VAX1: variants seen among roughly 807,000 people sequenced by gnomAD.
VAX1 encodes ventral anterior homeobox 1.
A neutral mutation model predicts 17.6 loss-of-function variants in VAX1; 6 were observed. That is an observed-to-expected ratio of 0.34 (90% CI 0.19 to 0.67). The LOEUF (loss-of-function observed/expected upper bound fraction) is 0.67. Among genes scored for constraint, VAX1 ranks in the 30% least tolerant of loss-of-function variants. VAX1 has a pLI of 0.69. For synonymous variants in VAX1, 256 were observed against 227.4 expected, an observed-to-expected ratio of 1.13 and a Z score of -1.13; for missense variants, 408 against 463.7, an observed-to-expected ratio of 0.88 and a Z score of 1.10.
At chr10:117,131,849 CTT>C (rs1251166660), downstream of VAX1, 2 of 228,612 alleles carry the variant, frequency 8.7e-6, no homozygotes, top group Admixed American at 5.5e-5. Flanking sequence ...GATGGCGAGA[CTT>C]ATATTCTAAG....
rs988458878 is a variant in VAX1 at position 117,137,229 on chromosome 10, C to T, written c.242-570G>A. On this transcript the variant is annotated intron_variant, in intron 1 of 2. Transcript: ENST00000369206. This position sits in a 1 kb window ranked among gnomAD's most constrained non-coding sequence, Gnocchi z 7.4. Reference sequence around the variant, plus strand: ...TCCGCCGCCGGGGCTAAGTGCACGCCGCGCCATCCGAGAGCGGCAGAGCAG... The same window carrying T: ...TCCGCCGCCGGGGCTAAGTGCACGCTGCGCCATCCGAGAGCGGCAGAGCAG... Among the ~76,000 whole-genome samples the T allele has an allele frequency of 6.6e-6, 1 of 152,098 alleles. No individual in the cohort carries two copies. The highest frequency in any genetic ancestry group is 1.5e-5 in the Non-Finnish European group (1 of 68,010).
In VAX1 at chr10:117,138,102, A is replaced by C; in HGVS notation, c.-46T>G. 1 of 260,134 alleles carries C rather than the reference A, an allele frequency of 3.8e-6. No individual in the cohort carries two copies. Among genetic ancestry groups the C allele is most frequent in the Non-Finnish European group, 6.7e-6 (1 of 149,878 alleles). 16.1% of individuals were successfully genotyped at this position (260,134 alleles called of 1,614,324 possible). A position where few individuals can be genotyped will look rare whatever the true frequency, so the allele number is the denominator to read the frequency against. ...ACAGAAAGGAAAAAAAAAGCAAAAAAAAAAAAAAGGGGGGGGGGCGGAGAA... is the reference window on the plus strand; with the variant it reads ...ACAGAAAGGAAAAAAAAAGCAAAAACAAAAAAAAGGGGGGGGGGCGGAGAA... On this transcript the variant is annotated 5_prime_UTR_variant, in exon 1 of 3. Transcript: ENST00000369206.
chr10:117,138,060 C>G lies in VAX1; in HGVS notation c.-4G>C. The stretch of plus-strand genomic sequence containing the variant: ...TTTTGTCTGGTTTCCCGAACATAGG[C>G]AAGAACAACAACAAAAACAGAAAGG... On this transcript the variant is annotated 5_prime_UTR_variant, in exon 1 of 3. Transcript: ENST00000369206. 6.8e-7 allele frequency: 1 copy of G among 1,468,224 alleles called. No individual in the cohort carries two copies. Among genetic ancestry groups the G allele is most frequent in the East Asian group, 3.0e-5 (1 of 33,068 alleles). 90.9% of individuals were successfully genotyped at this position (1,468,224 alleles called of 1,614,324 possible).
downstream of VAX1, chr10:117,132,599 A>T: frequency 3.5e-6 from 4 of 1,149,120 alleles, no homozygotes; most frequent in Non-Finnish European, 4.9e-6. This position sits in a 1 kb window ranked among gnomAD's most constrained non-coding sequence, Gnocchi z 4.9. Context: ...CATTCTAGAC[A>T]CTGCGGCACC....
In VAX1 at chr10:117,136,695, C is replaced by T. The variant is rs750864582; in HGVS notation, c.242-36G>A. On this transcript the variant is annotated intron_variant, in intron 1 of 2. Transcript: ENST00000369206. The surrounding 1 kb of genome is among the most constrained non-coding windows in gnomAD (Gnocchi z 5.0). ...GGAGATGTCAGCCGCCAGAACCCTC[C>T]CGTCCCCCTCCACCTCCTTGGCCCG... The T allele has an allele frequency of 1.1e-5, 18 of 1,587,292 alleles. No homozygotes were observed. Among genetic ancestry groups the T allele is most frequent in the Middle Eastern group, 1.7e-4 (1 of 5,956 alleles).
downstream of VAX1, among the ~76,000 whole-genome samples, chr10:117,133,128 G>A (rs73385275): frequency 0.027 from 4,063 of 152,314 alleles, 145 homozygotes; most frequent in East Asian, 0.11. Flanking sequence ...GATTAGCGGC[G>A]TTACCTTTTC....
downstream of VAX1, chr10:117,130,023 A>C (rs1854065235): frequency 6.6e-6 from 1 of 152,168 alleles, no homozygotes; most frequent in Non-Finnish European, 1.5e-5. Flanking sequence ...CACAAAAAGA[A>C]GGAAAGGAGG....
At chr10:117,133,183 C>G (rs1854114395), downstream of VAX1, 3 of 735,636 alleles carry the variant, frequency 4.1e-6, no homozygotes, top group Non-Finnish European at 5.0e-6. Flanking sequence ...TTACAACACC[C>G]AGAACCTTAA....
rs768449638 is a variant in VAX1, at chr10:117,138,010, G to A, written c.47C>T (p.Ala16Val). 1.9e-6 allele frequency: 3 copies of A among 1,606,158 alleles called. No homozygotes were observed. Among genetic ancestry groups the A allele is most frequent in the African/African-American group, 1.3e-5 (1 of 74,390 alleles). The change falls in exon 1 of 3, where the codon GCC becomes GTC. Residue 16 changes from alanine to valine, a missense_variant. Physicochemically the swap from Ala to Val is moderately conservative, Grantham distance 64 (BLOSUM62 0). Around this residue, in one of 4 missense-constraint regions of VAX1, gnomAD observed 133 missense variants for 112.0 expected, o/e 1.19. Transcript: ENST00000369206. ...GTTCTTCGAGACCCGGGCAGCCTCG[G>A]CGTCCGAGTGGCATCGAACGTCCAT... The part of the protein sequence containing the change: ...DKMDVRCHSD[A>V]EAARVSKNAH...
Position 117,138,226 on chromosome 10 carries a change from G to A in VAX1, c.-170C>T. On this transcript the variant is annotated 5_prime_UTR_variant, in exon 1 of 3. Transcript: ENST00000369206. ...AGGGGCAAGAATGAATGTCCCCGCGGGGAGGCTTCGGCGGCCGCGCGCGGG... is the reference window on the plus strand; with the variant it reads ...AGGGGCAAGAATGAATGTCCCCGCGAGGAGGCTTCGGCGGCCGCGCGCGGG... 1.2e-6 allele frequency: 1 copy of A among 847,082 alleles called. No homozygotes were observed. Among genetic ancestry groups the A allele is most frequent in the Non-Finnish European group, 1.8e-6 (1 of 557,882 alleles). 52.5% of individuals were successfully genotyped at this position (847,082 alleles called of 1,614,324 possible).
Position 117,134,121 on chromosome 10 carries a change from A to C in VAX1, c.892T>G (p.Ser298Ala). The change falls in exon 3 of 3, where the codon TCG becomes GCG. Residue 298 changes from serine (S) to alanine (A), a missense_variant. Transcript: ENST00000369206. This position sits in a 1 kb window ranked among gnomAD's most constrained non-coding sequence, Gnocchi z 6.2. ...LSSAPLTMAG[S>A]LAGNLQELSA... Reference sequence around the variant, plus strand: ...AGTTCTTGCAAATTCCCAGCTAGCGAACCAGCCATTGTTAACGGGGCGGAG... The same window carrying C: ...AGTTCTTGCAAATTCCCAGCTAGCGCACCAGCCATTGTTAACGGGGCGGAG... 11 of 1,536,332 alleles carry C rather than the reference A, an allele frequency of 7.2e-6. No individual in the cohort carries two copies. The highest frequency in any genetic ancestry group is 9.6e-6 in the Non-Finnish European group (11 of 1,140,554).
rs771135577 is a variant in VAX1 at position 117,137,928 on chromosome 10, G to T, written c.129C>A (p.Phe43Leu). 4 of 1,613,826 alleles carry T rather than the reference G, an allele frequency of 2.5e-6. No homozygotes were observed. Among genetic ancestry groups the T allele is most frequent in the South Asian group, 2.2e-5 (2 of 91,096 alleles). The change falls in exon 1 of 3, where the codon TTC becomes TTA. Residue 43 changes from phenylalanine (F) to leucine (L), a missense_variant. Phe to Leu is a conservative substitution (Grantham distance 22). This residue lies in a region of VAX1 where 133 missense variants were observed against 112.0 expected (regional missense o/e 1.19). Coordinates refer to ENST00000369206, the MANE Select transcript of VAX1 (RefSeq NM_001112704.2). The surrounding 1 kb of genome is among the most constrained non-coding windows in gnomAD (Gnocchi z 7.4). Reference protein sequence around the residue: ...KGAEGNLPAAFLKEPQGAFSA... With the variant: ...KGAEGNLPAALLKEPQGAFSA... ...AGAAGGCGCCCTGCGGCTCCTTGAG[G>T]AAGGCGGCTGGGAGGTTCCCCTCCG...
In VAX1 at chr10:117,136,255, G is replaced by T. The variant is rs573970996; in HGVS notation, c.429+217C>A. Among the ~76,000 whole-genome samples the T allele has an allele frequency of 9.9e-5, 15 of 152,238 alleles. No homozygotes were observed. The highest frequency in any genetic ancestry group is 9.8e-4 in the Admixed American group (15 of 15,294). ...CCTAGGCCAAGGTGGATAAAACATG[G>T]GCCCTGGAGGATTTGGGGATGGCAG... On this transcript the variant is annotated intron_variant, in intron 2 of 2. Transcript: ENST00000369206. This position sits in a 1 kb window ranked among gnomAD's most constrained non-coding sequence, Gnocchi z 5.0.
At chr10:117,132,490 A>C (rs751380731), downstream of VAX1, 41 of 1,593,630 alleles carry the variant, frequency 2.6e-5, no homozygotes, top group Non-Finnish European at 3.1e-5. This position sits in a 1 kb window ranked among gnomAD's most constrained non-coding sequence, Gnocchi z 4.9. Flanking sequence ...AGAAAAAAAA[A>C]AAAGATGAAA....
In VAX1 at chr10:117,133,472, G is replaced by A. The variant is rs1020416397; in HGVS notation, c.*536C>T. ...CTGTGTTGTGTACCGACTATCCCGA[G>A]AGGTCCGCAAAGCGGGGCCCAGGGG... On this transcript the variant is annotated 3_prime_UTR_variant, in exon 3 of 3. Transcript: ENST00000369206. 1 of 985,600 alleles carries A rather than the reference G, an allele frequency of 1.0e-6. No homozygotes were observed. Among genetic ancestry groups the A allele is most frequent in the Non-Finnish European group, 1.2e-6 (1 of 830,060 alleles). 61.1% of individuals were successfully genotyped at this position (985,600 alleles called of 1,614,324 possible).
chr10:117,135,385 C>T (rs2133661486), intron 2 of VAX1, among the ~76,000 whole-genome samples: 1 of 152,304 alleles, frequency 6.6e-6, no homozygotes, highest in African/African-American at 2.4e-5. Flanking sequence ...GAATATTCCC[C>T]ACTAACCTCC....
In VAX1 at chr10:117,134,323, G is replaced by GGCGGCT. The variant is rs1437081733; in HGVS notation, c.684_689dup (p.Ala232_Ala233dup). 6.8e-6 allele frequency: 7 copies of GGCGGCT among 1,026,666 alleles called. No individual in the cohort carries two copies. The highest frequency in any genetic ancestry group is 1.7e-5 in the African/African-American group (1 of 57,658). The allele number at this position is 1,026,666 out of a possible 1,614,324, so 63.6% of individuals were successfully genotyped here. ...CGCCCGCTGGGCCCGGGGCGGCGGC[G>GGCGGCT]GCGGCTGCGGCGGCCGAGCCTGCAG... is the stretch of plus-strand genomic sequence containing the variant. On this transcript the variant is annotated inframe_insertion, in exon 3 of 3. Coordinates refer to ENST00000369206, the MANE Select transcript of VAX1 (RefSeq NM_001112704.2). This position sits in a 1 kb window ranked among gnomAD's most constrained non-coding sequence, Gnocchi z 6.2.
In VAX1 at chr10:117,137,234, C is replaced by T. The variant is rs1305921998; in HGVS notation, c.242-575G>A. 6.6e-6 allele frequency among the ~76,000 whole-genome samples: 1 copy of T among 152,130 alleles called. No homozygotes were observed. The highest frequency in any genetic ancestry group is 1.9e-4 in the East Asian group (1 of 5,142). ...CGCCGGGGCTAAGTGCACGCCGCGCCATCCGAGAGCGGCAGAGCAGAGCAC... is the reference window on the plus strand; with the variant it reads ...CGCCGGGGCTAAGTGCACGCCGCGCTATCCGAGAGCGGCAGAGCAGAGCAC... On this transcript the variant is annotated intron_variant, in intron 1 of 2. Transcript: ENST00000369206. This position sits in a 1 kb window ranked among gnomAD's most constrained non-coding sequence, Gnocchi z 7.4.
In VAX1 at chr10:117,133,438, G is replaced by T. The variant is rs546969467; in HGVS notation, c.*570C>A. ...GGGAGAAAAACCGCAGGATTTGCCC[G>T]CCAGGAAGCTGTGTTGTGTACCGAC... is the stretch of plus-strand genomic sequence containing the variant. On this transcript the variant is annotated 3_prime_UTR_variant, in exon 3 of 3. Coordinates refer to ENST00000369206, the MANE Select transcript of VAX1 (RefSeq NM_001112704.2). 9.1e-6 allele frequency: 9 copies of T among 985,510 alleles called. No individual in the cohort carries two copies. The South Asian group carries it at 4.2e-4, about 46-fold the overall frequency. 61.0% of individuals were successfully genotyped at this position (985,510 alleles called of 1,614,324 possible). A position where few individuals can be genotyped will look rare whatever the true frequency, so the allele number is the denominator to read the frequency against.
Sources: gnomAD v4.1 joint callset for allele counts (sites outside exome capture counted in the v4.1 genomes callset) on GRCh38, gnomAD v4.1.1 for gene constraint, gnomAD v4.1.1 regional missense constraint, Gnocchi (gnomAD v3.1) non-coding constraint, MANE v1.5 for transcripts, NCBI Gene and HGNC (gene_info 2026-07-23, HGNC 2026-07-21) for gene names.